Variants in CACNA2D4 observed in about 807,000 individuals in gnomAD.
The protein encoded by CACNA2D4 is calcium voltage-gated channel auxiliary subunit alpha2delta 4, also known as voltage-dependent calcium channel subunit alpha-2/delta-4.
In CACNA2D4, 157 loss-of-function variants were observed where a neutral mutation model predicts 163.8. The observed-to-expected ratio is 0.96, with a 90% CI of 0.84 to 1.09. CACNA2D4 has a LOEUF of 1.09. CACNA2D4 is among the 50% of genes least tolerant of loss of function. The probability of loss-of-function intolerance (pLI) is 0.00; values close to 1 mark genes in which losing one functional copy is unlikely to be tolerated. For missense variants in CACNA2D4, 1,410 were observed against 1,479.9 expected (o/e 0.95, Z 0.78); for synonymous variants, 598 against 586.9 (o/e 1.02, Z -0.27).
At chr12:1,908,733 C>T (rs1343765167) in intron 4 of CACNA2D4, among the ~76,000 whole-genome samples, 1 of 134,764 alleles carries the variant, frequency 7.4e-6, no homozygotes, top group Admixed American at 7.3e-5. Context: ...GACTGCGTCA[C>T]GGACATCCCC....
intron 1 of CACNA2D4, 72 bp from the exon 2 acceptor site, chr12:1,915,007 T>C: frequency 8.9e-7 from 1 of 1,128,096 alleles, no homozygotes; most frequent in Non-Finnish European, 1.4e-6. Flanking sequence ...CGCGTAGACA[T>C]ATGGGTTCAC....
intron 6 of CACNA2D4, among the ~76,000 whole-genome samples, chr12:1,897,727 G>A (rs777650363): frequency 2.0e-5 from 3 of 152,194 alleles, no homozygotes; most frequent in African/African-American, 4.8e-5. Flanking sequence ...TACTAAGCAT[G>A]AGCATGCTGG....
chr12:1,865,141 G>A (rs1865617535), intron 18 of CACNA2D4, among the ~76,000 whole-genome samples: 1 of 152,230 alleles, frequency 6.6e-6, no homozygotes, highest in Non-Finnish European at 1.5e-5. Context: ...ACGGAGGGGA[G>A]AAGGGGCTCT....
chr12:1,865,118 G>A (rs957442935), intron 18 of CACNA2D4, among the ~76,000 whole-genome samples: 4 of 152,182 alleles, frequency 2.6e-5, no homozygotes, highest in Non-Finnish European at 5.9e-5. Context: ...TGCCGCTCAC[G>A]CTGTACCTGG....
intron 6 of CACNA2D4, among the ~76,000 whole-genome samples, chr12:1,890,386 A>G (rs545287786): frequency 6.6e-6 from 1 of 152,180 alleles, no homozygotes; most frequent in African/African-American, 2.4e-5. Context: ...AGCCACCACC[A>G]TGGCTGGATG....
rs1268107240 is a variant in CACNA2D4, at chr12:1,833,412, C to T, written c.2551+7327G>A. On this transcript the variant is annotated intron_variant, in intron 26 of 37. Coordinates refer to ENST00000382722, the MANE Select transcript of CACNA2D4 (RefSeq NM_172364.5). The surrounding 1 kb of genome is among the most constrained non-coding windows in gnomAD (Gnocchi z 4.2). ...TTGTCCTCAACCACCTTCTCTCTCA[C>T]CCCAGCCCTGTCCTGCATCTGTGTC... is the stretch of plus-strand genomic sequence containing the variant. 6.6e-6 allele frequency among the ~76,000 whole-genome samples: 1 copy of T among 152,138 alleles called. No individual in the cohort carries two copies. Among genetic ancestry groups the T allele is most frequent in the Admixed American group, 6.5e-5 (1 of 15,270 alleles).
chr12:1,797,673 T>G, intron 34 of CACNA2D4, 138 bp from the exon 35 acceptor site: 2 of 634,600 alleles, frequency 3.2e-6, no homozygotes, highest in Non-Finnish European at 2.8e-6. Context: ...AGGACACGCG[T>G]GGGAGGAGCC....
At chr12:1,858,545 T>G (rs905153712) in intron 20 of CACNA2D4, 32 bp downstream of exon 20, 6 of 1,604,664 alleles carry the variant, frequency 3.7e-6, no homozygotes, top group Non-Finnish European at 5.1e-6. Flanking sequence ...ATTTTCTGCT[T>G]AACTGTCCCT....
chr12:1,832,088 T>C (rs1475344860), intron 26 of CACNA2D4, among the ~76,000 whole-genome samples: 1 of 152,212 alleles, frequency 6.6e-6, no homozygotes, highest in African/African-American at 2.4e-5. Flanking sequence ...GTCAAATGGG[T>C]TAGGCTTTAC....
rs780991753 is a variant in CACNA2D4 at position 1,843,119 on chromosome 12, T to C, written c.2470+1283A>G. Among the ~76,000 whole-genome samples, 8 of 151,988 alleles carry C rather than the reference T, an allele frequency of 5.3e-5. No homozygotes were observed. The highest frequency in any genetic ancestry group is 8.8e-5 in the Non-Finnish European group (6 of 67,988). ...GATTAAATGAAAAACACGTGGAAAA[T>C]TGTTTTGTGAAGCATAGTAGTTATT... On this transcript the variant is annotated intron_variant, in intron 25 of 37. Coordinates refer to ENST00000382722, the MANE Select transcript of CACNA2D4 (RefSeq NM_172364.5). The surrounding 1 kb of genome is among the most constrained non-coding windows in gnomAD (Gnocchi z 4.6).
At chr12:1,831,513 T>C (rs1226080274) in intron 26 of CACNA2D4, 1 of 1,612,682 alleles carries the variant, frequency 6.2e-7, no homozygotes, top group Non-Finnish European at 8.5e-7. Context: ...GATGGAGTGG[T>C]TCTCCTACCG....
intron 6 of CACNA2D4, among the ~76,000 whole-genome samples, chr12:1,899,329 GAAATAGA>G (rs2154450868): frequency 6.6e-6 from 1 of 151,990 alleles, no homozygotes; most frequent in South Asian, 2.1e-4. Context: ...TAAGATAGAT[GAAATAGA>G]AAATAGAGAA....
Position 1,875,427 on chromosome 12 carries a change from A to G in CACNA2D4, c.1720-90T>C, listed in dbSNP as rs1592726719. On this transcript the variant is annotated intron_variant, in intron 16 of 37. Transcript: ENST00000382722. This position sits in a 1 kb window ranked among gnomAD's most constrained non-coding sequence, Gnocchi z 4.0. ...TCTACAAAGCCTTTCAGGTATATTC[A>G]TAAAAGCAAAGGATTCCTTAGAAAT... The G allele has an allele frequency of 1.2e-6, 1 of 836,144 alleles. No homozygotes were observed. Among genetic ancestry groups the G allele is most frequent in the Non-Finnish European group, 2.1e-6 (1 of 485,320 alleles). 51.8% of individuals were successfully genotyped at this position (836,144 alleles called of 1,614,324 possible).
At chr12:1,818,814 A>G (rs1385797795) in intron 26 of CACNA2D4, among the ~76,000 whole-genome samples, 3 of 144,244 alleles carry the variant, frequency 2.1e-5, no homozygotes, top group Non-Finnish European at 4.5e-5. Context: ...AGTCATCACC[A>G]CTCCCTAATC....
At chr12:1,884,004 C>A in intron 12 of CACNA2D4, 1 of 512,878 alleles carries the variant, frequency 1.9e-6, no homozygotes, top group Admixed American at 3.2e-5. Context: ...GGAGCAGAAC[C>A]AGAGTCCATG....
intron 26 of CACNA2D4, among the ~76,000 whole-genome samples, chr12:1,838,213 G>A (rs1009425132): frequency 2.6e-5 from 4 of 152,192 alleles, no homozygotes; most frequent in African/African-American, 7.2e-5. Context: ...CTACTGGTCC[G>A]CTGCCCTCTG....
intron 26 of CACNA2D4, 62 bp downstream of exon 26, chr12:1,840,677 A>G: frequency 1.4e-6 from 2 of 1,398,816 alleles, no homozygotes; most frequent in South Asian, 1.2e-5. Flanking sequence ...GCTGTGATCT[A>G]TGCCTTGCTC....
chr12:1,796,928 GC>G (rs1198831743), intron 35 of CACNA2D4, among the ~76,000 whole-genome samples: 1 of 152,222 alleles, frequency 6.6e-6, no homozygotes, highest in Non-Finnish European at 1.5e-5. Flanking sequence ...GACAGAGGCT[GC>G]CCGCGGGGCT....
At chr12:1,819,531 C>T (rs565398872) in intron 26 of CACNA2D4, among the ~76,000 whole-genome samples, 35 of 152,186 alleles carry the variant, frequency 2.3e-4, no homozygotes, top group Non-Finnish European at 1.2e-4. Flanking sequence ...ATCGCTAGCA[C>T]GGTGCTTCAT....
Sources: allele counts gnomAD v4.1 joint callset (sites outside exome capture counted in the v4.1 genomes callset), GRCh38; gene constraint gnomAD v4.1.1; non-coding constraint Gnocchi (gnomAD v3.1); transcripts MANE v1.5; gene names NCBI Gene and HGNC (gene_info 2026-07-23, HGNC 2026-07-21).